Variants in PDZRN3 observed in about 807,000 individuals in gnomAD.
PDZRN3 encodes PDZ domain containing ring finger 3, also known as E3 ubiquitin-protein ligase PDZRN3.
Under a neutral mutation model 85.7 loss-of-function variants are expected in PDZRN3, and 38 were observed. The observed-to-expected ratio is 0.44, with a 90% CI of 0.34 to 0.58. The LOEUF (loss-of-function observed/expected upper bound fraction) is 0.58, where lower values mean the gene tolerates loss of function less well. PDZRN3 is among the 20% of genes least tolerant of loss of function. The probability of loss-of-function intolerance (pLI) is 0.01; values close to 1 mark genes in which losing one functional copy is unlikely to be tolerated. For synonymous variants in PDZRN3, 759 were observed against 638.0 expected, an observed-to-expected ratio of 1.19 and a Z score of -2.86; for missense variants, 1,629 against 1,506.4, an observed-to-expected ratio of 1.08 and a Z score of -1.35.
chr3:73,436,470 G>A (rs1005118112), intron 3 of PDZRN3, among the ~76,000 whole-genome samples: 5 of 152,156 alleles, frequency 3.3e-5, no homozygotes, highest in African/African-American at 9.7e-5. Context: ...TTGCAATCAC[G>A]GTTGGCTCTC....
Position 73,384,690 on chromosome 3 carries a change from T to C in PDZRN3, c.1876A>G (p.Ile626Val). The C allele has an allele frequency of 6.2e-7, 1 of 1,614,006 alleles. No individual in the cohort carries two copies. The highest frequency in any genetic ancestry group is 1.1e-5 in the South Asian group (1 of 91,074). ...TCGGCGTCCGTGCAGTCGGCCGAAA[T>C]GAAAGACTCGTTGCTGAAGGGCAGG... ...GDLPFSNESFISADCTDADYL... is the reference protein window; with the variant it reads ...GDLPFSNESFVSADCTDADYL... The change falls in exon 10 of 10, where the codon ATT becomes GTT. Residue 626 changes from isoleucine to valine, a missense_variant. By Grantham distance (29) the Ile-to-Val change is conservative. Coordinates refer to ENST00000263666, the MANE Select transcript of PDZRN3 (RefSeq NM_015009.3).
At chr3:73,555,361 T>C (rs1303515508) in intron 3 of PDZRN3, among the ~76,000 whole-genome samples, 1 of 152,148 alleles carries the variant, frequency 6.6e-6, no homozygotes, top group East Asian at 1.9e-4. Context: ...ATAAAACAGC[T>C]GCAATGATTA....
At chr3:73,390,970 C>A in intron 6 of PDZRN3, 48 bp downstream of exon 6, 1 of 1,280,310 alleles carries the variant, frequency 7.8e-7, no homozygotes, top group Non-Finnish European at 1.1e-6. Flanking sequence ...AAAAAAAACC[C>A]TTTTGGTCTT....
intron 3 of PDZRN3, among the ~76,000 whole-genome samples, chr3:73,414,948 T>G (rs189530863): frequency 0.02 from 3,003 of 152,338 alleles, 48 homozygotes; most frequent in South Asian, 0.048. Flanking sequence ...TAGCAATGCT[T>G]AACACTTCCG....
chr3:73,560,860 AATGAGTCACGGCTCGTGCAC>A (rs1348572282), intron 3 of PDZRN3, among the ~76,000 whole-genome samples: 1 of 152,204 alleles, frequency 6.6e-6, no homozygotes, highest in Non-Finnish European at 1.5e-5. Flanking sequence ...GGTGACTGAC[AATGAGTCACGGCTCGTGCAC>A]ATGAAATGCG....
chr3:73,624,136 G>T lies in PDZRN3; in HGVS notation c.690C>A (p.Leu230=), dbSNP rs77852929. 8,235 of 1,488,144 alleles carry T rather than the reference G, an allele frequency of 5.5e-3. 214 individuals carry two copies. The African/African-American group carries it at 0.073, about 13-fold the overall frequency. 92.2% of individuals were successfully genotyped at this position (1,488,144 alleles called of 1,614,324 possible). A position where few individuals can be genotyped will look rare whatever the true frequency, so the allele number is the denominator to read the frequency against. The change falls in exon 1 of 10, where the codon CTC becomes CTA. Residue 230 remains leucine, a synonymous_variant. Coordinates refer to ENST00000263666, the MANE Select transcript of PDZRN3 (RefSeq NM_015009.3). ...CGGGCGGCGCGGCCACGCAGCGGCT[G>T]AGCGAGTCGAGGCGCGCGCTGTATT... ...FTEYSARLDS[L]SRCVAAPPGG... is the part of the protein sequence containing the mutation.
chr3:73,610,806 T>G (rs1004916980), intron 1 of PDZRN3, among the ~76,000 whole-genome samples: 1 of 152,210 alleles, frequency 6.6e-6, no homozygotes, highest in African/African-American at 2.4e-5. Flanking sequence ...TGATAACCAC[T>G]TATTCAAGAA....
chr3:73,573,100 G>C (rs1157514001), intron 3 of PDZRN3, among the ~76,000 whole-genome samples: 1 of 152,138 alleles, frequency 6.6e-6, no homozygotes, highest in African/African-American at 2.4e-5. Flanking sequence ...TTGAAATGCT[G>C]ATCTGTCTTA....
chr3:73,618,859 T>C (rs1026225818), intron 1 of PDZRN3, among the ~76,000 whole-genome samples: 2 of 147,976 alleles, frequency 1.4e-5, no homozygotes, highest in Admixed American at 1.3e-4. Context: ...AATCTGTAAC[T>C]TTTTTTTAGC....
chr3:73,603,208 T>C (rs1575759705), intron 2 of PDZRN3, among the ~76,000 whole-genome samples: 3 of 152,242 alleles, frequency 2.0e-5, no homozygotes, highest in Admixed American at 6.5e-5. Context: ...AAAACAGATA[T>C]TTTGTTTTTG....
intron 2 of PDZRN3, among the ~76,000 whole-genome samples, chr3:73,603,465 A>G (rs1702546345): frequency 6.6e-6 from 1 of 152,224 alleles, no homozygotes; most frequent in Non-Finnish European, 1.5e-5. Context: ...GTACGGATTA[A>G]ATTTCTAGTG....
intron 5 of PDZRN3, among the ~76,000 whole-genome samples, chr3:73,396,053 T>C (rs758423594): frequency 6.6e-6 from 1 of 152,066 alleles, no homozygotes; most frequent in Non-Finnish European, 1.5e-5. Flanking sequence ...CGAAACCCTG[T>C]CTCTACTAAA....
At chr3:73,424,582 A>T (rs1177078961) in intron 3 of PDZRN3, among the ~76,000 whole-genome samples, 2 of 150,826 alleles carry the variant, frequency 1.3e-5, no homozygotes, top group Non-Finnish European at 2.9e-5. Context: ...CAAAGACAGG[A>T]TACAAACTGG....
At chr3:73,494,319 C>CA (rs1346612682) in intron 3 of PDZRN3, among the ~76,000 whole-genome samples, 3 of 152,146 alleles carry the variant, frequency 2.0e-5, no homozygotes, top group African/African-American at 7.2e-5. Flanking sequence ...TCTTTAACAC[C>CA]ACTCATTAGA....
In PDZRN3 at chr3:73,392,813, GA is replaced by G. The variant is rs548264135; in HGVS notation, c.1255-1698del. Reference sequence around the variant, plus strand: ...ATTAAATGAAACCCCATTAATTTCTGATAATTAAGTGGGTTTAAGGGTCATA... The same window carrying G: ...ATTAAATGAAACCCCATTAATTTCTGTAATTAAGTGGGTTTAAGGGTCATA... On this transcript the variant is annotated intron_variant, in intron 5 of 9. Transcript: ENST00000263666. Among the ~76,000 whole-genome samples the G allele has an allele frequency of 9.2e-5, 14 of 152,276 alleles. No homozygotes were observed. In the East Asian group the frequency reaches 2.5e-3, roughly 27 times the overall value.
intron 3 of PDZRN3, chr3:73,474,630 G>A (rs1703413520): frequency 4.9e-6 from 6 of 1,221,150 alleles, no homozygotes. Context: ...CTGAGCAAAT[G>A]CTATGGTTGT....
rs544357681 is a variant in PDZRN3 at position 73,584,653 on chromosome 3, G to GT, written c.918+17700dup. 3.9e-3 allele frequency among the ~76,000 whole-genome samples: 595 copies of GT among 152,178 alleles called. 3 individuals carry two copies. Among genetic ancestry groups the GT allele is most frequent in the Non-Finnish European group, 5.7e-3 (385 of 68,002 alleles). On this transcript the variant is annotated intron_variant, in intron 3 of 9. Coordinates refer to ENST00000263666, the MANE Select transcript of PDZRN3 (RefSeq NM_015009.3). The stretch of plus-strand genomic sequence containing the variant: ...CTCTAGTGTTCTGATTTAGATTCTA[G>GT]TATTACTATGGTATGTCCTTAACAG...
chr3:73,580,504 T>C (rs1310893231), intron 3 of PDZRN3, among the ~76,000 whole-genome samples: 1 of 152,230 alleles, frequency 6.6e-6, no homozygotes, highest in Non-Finnish European at 1.5e-5. Context: ...GTGTTTCCCA[T>C]TACTCTTTGC....
At chr3:73,609,572 T>C (rs192314199) in intron 1 of PDZRN3, among the ~76,000 whole-genome samples, 97 of 152,336 alleles carry the variant, frequency 6.4e-4, no homozygotes, top group Non-Finnish European at 1.1e-3. Flanking sequence ...ATGCAAAACA[T>C]CACAGCCTGT....
Sources: gnomAD v4.1 joint callset for allele counts (sites outside exome capture counted in the v4.1 genomes callset) on GRCh38, gnomAD v4.1.1 for gene constraint, MANE v1.5 for transcripts, NCBI Gene and HGNC (gene_info 2026-07-23, HGNC 2026-07-21) for gene names.